UPRT: variants seen among roughly 807,000 people sequenced by gnomAD.
The protein encoded by UPRT is uracil phosphoribosyltransferase homolog.
In UPRT, 5 loss-of-function variants were observed where a neutral mutation model predicts 22.6. The ratio of observed to expected loss-of-function variants is 0.22; its 90% confidence interval spans 0.12 to 0.47. UPRT has a LOEUF of 0.47. UPRT is among the 20% of genes least tolerant of loss of function. The pLI is 0.99. For synonymous variants in UPRT, 77 were observed against 87.7 expected, an observed-to-expected ratio of 0.88 and a Z score of 0.68; for missense variants, 181 against 239.9, an observed-to-expected ratio of 0.75 and a Z score of 1.62.
chrX:75,184,513 T>C (rs2082282235), intron 4 of UPRT, among the ~76,000 whole-genome samples: 1 of 107,142 alleles, frequency 9.3e-6, no homozygotes, highest in African/African-American at 3.4e-5. Flanking sequence ...GCGGGCTCTT[T>C]TTTGGTTCCA....
At chrX:75,291,191 C>G (rs2082705802) in intron 1 of UPRT, among the ~76,000 whole-genome samples, 1 of 111,479 alleles carries the variant, frequency 9.0e-6, no homozygotes, top group African/African-American at 3.3e-5. Flanking sequence ...ATATGCTCAG[C>G]TTAACAATTA....
intron 4 of UPRT, among the ~76,000 whole-genome samples, chrX:75,221,148 C>T (rs1602459314): frequency 9.0e-6 from 1 of 111,081 alleles, no homozygotes; most frequent in African/African-American, 3.3e-5. Context: ...ACTCTCTCCT[C>T]GCCTGTAAGA....
intron 4 of UPRT, among the ~76,000 whole-genome samples, chrX:75,218,058 G>T (rs1358067355): frequency 3.9e-4 from 44 of 111,649 alleles, no homozygotes; most frequent in African/African-American, 1.4e-3. Context: ...AAACTAAAGA[G>T]CTTCTGCACA....
intron 4 of UPRT, among the ~76,000 whole-genome samples, chrX:75,207,310 A>G (rs2082369880): frequency 8.9e-6 from 1 of 112,051 alleles, no homozygotes; most frequent in East Asian, 2.8e-4. Flanking sequence ...TTGAGAGGTA[A>G]TTCTGCCTGT....
chrX:75,221,247 T>C (rs1310835948), intron 4 of UPRT, among the ~76,000 whole-genome samples: 3 of 110,847 alleles, frequency 2.7e-5, no homozygotes, highest in Non-Finnish European at 5.7e-5. Flanking sequence ...TTAGCATTCT[T>C]TCTTTATTGT....
At chrX:75,235,075 A>G (rs1390851176) in intron 4 of UPRT, among the ~76,000 whole-genome samples, 1 of 111,137 alleles carries the variant, frequency 9.0e-6, no homozygotes, top group African/African-American at 3.3e-5. Context: ...GAAGAATCAA[A>G]TAGATGCAAA....
At chrX:75,170,979 TG>T (rs1045992472) in intron 4 of UPRT, among the ~76,000 whole-genome samples, 1 of 111,612 alleles carries the variant, frequency 9.0e-6, no homozygotes, top group African/African-American at 3.3e-5. Context: ...GGTTCCCTGG[TG>T]TTTTTGCCTC....
intron 1 of UPRT, among the ~76,000 whole-genome samples, chrX:75,275,642 C>T (rs926832738): frequency 1.8e-5 from 2 of 111,370 alleles, no homozygotes; most frequent in Non-Finnish European, 1.9e-5. Context: ...ATCTTTGATT[C>T]AGTAATTGCC....
At chrX:75,269,016 T>C (rs1164890655) in intron 4 of UPRT, among the ~76,000 whole-genome samples, 6 of 111,951 alleles carry the variant, frequency 5.4e-5, no homozygotes, top group African/African-American at 1.9e-4. Flanking sequence ...AACCCCATTA[T>C]CTCAGCCCAA....
chrX:75,190,425 T>A (rs1203060182), intron 4 of UPRT, among the ~76,000 whole-genome samples: 17 of 111,969 alleles, frequency 1.5e-4, no homozygotes, highest in Non-Finnish European at 3.0e-4. Context: ...TTCCTTCATT[T>A]CAACTTCGGT....
At chrX:75,252,767 C>G (rs2082535779) in intron 4 of UPRT, among the ~76,000 whole-genome samples, 1 of 112,011 alleles carries the variant, frequency 8.9e-6, no homozygotes, top group Admixed American at 9.5e-5. Context: ...GCACTATTCA[C>G]AATAGCAAAG....
At chrX:75,283,416 T>C (rs2082667133) in intron 1 of UPRT, among the ~76,000 whole-genome samples, 1 of 111,563 alleles carries the variant, frequency 9.0e-6, no homozygotes. Flanking sequence ...TTTAAAGAGT[T>C]TCTGTTTTGA....
chrX:75,158,505 A>G (rs950577575), intron 1 of UPRT, among the ~76,000 whole-genome samples: 7 of 111,922 alleles, frequency 6.3e-5, no homozygotes, highest in Non-Finnish European at 1.3e-4. Context: ...GCCCATATTT[A>G]TGAGGAAACT....
At chrX:75,252,592 T>G (rs2082535004) in intron 4 of UPRT, among the ~76,000 whole-genome samples, 1 of 112,114 alleles carries the variant, frequency 8.9e-6, no homozygotes, top group South Asian at 3.7e-4. Context: ...ACACTGTTGG[T>G]GGGACTGTAA....
rs745861949 is a variant in UPRT, at chrX:75,268,928, G to A, written c.-446-22096G>A. Among the ~76,000 whole-genome samples the A allele has an allele frequency of 4.5e-4, 50 of 111,711 alleles. 1 individual carries two copies. Among genetic ancestry groups the A allele is most frequent in the Admixed American group, 1.1e-3 (11 of 10,456 alleles). ...GGCCAGGGCAATCAGGCAAGAGAAAGAAATAAAGGGTATTCAAATAGGAAC... is the reference window on the plus strand; with the variant it reads ...GGCCAGGGCAATCAGGCAAGAGAAAAAAATAAAGGGTATTCAAATAGGAAC... On this transcript the variant is annotated intron_variant, in intron 4 of 13. Transcript: ENST00000652605.
At chrX:75,195,534 C>T (rs1283853845) in intron 4 of UPRT, among the ~76,000 whole-genome samples, 1 of 112,243 alleles carries the variant, frequency 8.9e-6, no homozygotes, top group Non-Finnish European at 1.9e-5. Context: ...CAGAGTTCTG[C>T]CCCTGCCACT....
At chrX:75,272,328 A>ATGTG (rs1392015059), upstream of UPRT, among the ~76,000 whole-genome samples, 1 of 95,750 alleles carries the variant, frequency 1.0e-5, no homozygotes, top group African/African-American at 4.1e-5. Flanking sequence ...ATACATATAT[A>ATGTG]TGTATATATA....
At chrX:75,156,454 C>G in exon 1 of UPRT, 2 of 523,187 alleles carry the variant, frequency 3.8e-6, no homozygotes, top group Admixed American at 6.2e-5. Context: ...TAGGGCCGAG[C>G]TTTGATTGTT....
intron 4 of UPRT, among the ~76,000 whole-genome samples, chrX:75,266,596 T>G (rs1178256469): frequency 9.0e-6 from 1 of 111,576 alleles, no homozygotes; most frequent in East Asian, 2.8e-4. Flanking sequence ...AGTTGGGATC[T>G]AATTAAACTA....
Sources: gnomAD v4.1 joint callset for allele counts (sites outside exome capture counted in the v4.1 genomes callset) on GRCh38, gnomAD v4.1.1 for gene constraint, MANE v1.5 for transcripts, NCBI Gene and HGNC (gene_info 2026-07-23, HGNC 2026-07-21) for gene names.